SNAP25: variants seen among roughly 807,000 people sequenced by gnomAD.
SNAP25 encodes synaptosomal-associated protein 25.
SNAP25 carries 3 observed loss-of-function variants against 28.7 expected under a neutral mutation model. The observed-to-expected ratio is 0.10, with a 90% CI of 0.05 to 0.27. SNAP25 has a LOEUF of 0.27. Ranked by LOEUF, SNAP25 falls within the 10% of genes least tolerant of loss-of-function variation. The pLI, the probability that SNAP25 is intolerant of heterozygous loss-of-function variation, is 1.00. For synonymous variants in SNAP25, 61 were observed against 88.1 expected, an observed-to-expected ratio of 0.69 and a Z score of 1.72; for missense variants, 117 against 278.7, an observed-to-expected ratio of 0.42 and a Z score of 4.13.
intron 1 of SNAP25, among the ~76,000 whole-genome samples, chr20:10,231,887 T>A (rs2062834772): frequency 6.6e-6 from 1 of 152,216 alleles, no homozygotes; most frequent in Non-Finnish European, 1.5e-5. Context: ...CTCAAGTATT[T>A]TGGATAAGGG....
At chr20:10,255,403 G>A (rs2063302762) in intron 1 of SNAP25, among the ~76,000 whole-genome samples, 1 of 152,022 alleles carries the variant, frequency 6.6e-6, no homozygotes. Flanking sequence ...GGTGGGAGAG[G>A]GTGAATGGGT....
At chr20:10,221,604 C>A (rs1488006595) in intron 1 of SNAP25, among the ~76,000 whole-genome samples, 1 of 152,216 alleles carries the variant, frequency 6.6e-6, no homozygotes, top group Non-Finnish European at 1.5e-5. Flanking sequence ...AATTACAGAA[C>A]AATTTACAAT....
chr20:10,251,123 A>G (rs953529026), intron 1 of SNAP25, among the ~76,000 whole-genome samples: 2 of 152,246 alleles, frequency 1.3e-5, no homozygotes, highest in East Asian at 1.9e-4. Flanking sequence ...TGTGTGAGAC[A>G]TGATCCTTGC....
At chr20:10,299,521 C>T (rs926043445) in intron 7 of SNAP25, 109 bp downstream of exon 7, 35 of 1,072,680 alleles carry the variant, frequency 3.3e-5, no homozygotes, top group South Asian at 3.0e-4. Flanking sequence ...TGGATTCAGG[C>T]GCACTGATAG....
intron 1 of SNAP25, among the ~76,000 whole-genome samples, chr20:10,272,837 ACTCAGAT>A (rs1466397613): frequency 1.3e-5 from 2 of 152,198 alleles, no homozygotes; most frequent in Admixed American, 6.5e-5. Context: ...TTCTTTTTTT[ACTCAGAT>A]TCCATATTTG....
chr20:10,249,086 A>G (rs1293346944), intron 1 of SNAP25, among the ~76,000 whole-genome samples: 2 of 152,232 alleles, frequency 1.3e-5, no homozygotes, highest in African/African-American at 4.8e-5. Context: ...TCTCATGGAA[A>G]ACAATAACAG....
In SNAP25 at chr20:10,220,141, ATCTC is replaced by A. The variant is rs539772164; in HGVS notation, c.-64+1170_-64+1173del. On this transcript the variant is annotated intron_variant, in intron 1 of 7. Coordinates refer to ENST00000254976, the MANE Select transcript of SNAP25 (RefSeq NM_130811.4). ...TGCTATCTGTTTATAGGGATGATAC[ATCTC>A]TCTCTATGTTTCCATTTGATAAAAA... Among the ~76,000 whole-genome samples the A allele has an allele frequency of 7.9e-5, 12 of 152,286 alleles. 1 individual carries two copies. The South Asian group carries it at 2.3e-3, about 29-fold the overall frequency.
chr20:10,230,632 C>T (rs2062812913), intron 1 of SNAP25, among the ~76,000 whole-genome samples: 3 of 152,132 alleles, frequency 2.0e-5, no homozygotes, highest in African/African-American at 7.2e-5. Flanking sequence ...CTGATGCATG[C>T]TCAAGTTTGA....
intron 1 of SNAP25, among the ~76,000 whole-genome samples, chr20:10,223,904 G>A (rs1223539347): frequency 6.6e-6 from 1 of 152,102 alleles, no homozygotes; most frequent in Non-Finnish European, 1.5e-5. Context: ...TATAGTATTA[G>A]ATCACATTTA....
intron 1 of SNAP25, among the ~76,000 whole-genome samples, chr20:10,271,241 A>G (rs2063586261): frequency 6.6e-6 from 1 of 152,186 alleles, no homozygotes; most frequent in Non-Finnish European, 1.5e-5. Context: ...ATTAATAAAC[A>G]TCCTTATGCC....
chr20:10,298,234 G>A (rs2064157495), intron 6 of SNAP25, among the ~76,000 whole-genome samples: 3 of 152,282 alleles, frequency 2.0e-5, no homozygotes, highest in African/African-American at 7.2e-5. Flanking sequence ...TGCACTCAGG[G>A]CCAAGCACCA....
rs182070263 is a variant in SNAP25, at chr20:10,275,867, G to T, written c.72+304G>T. 1.4e-4 allele frequency among the ~76,000 whole-genome samples: 21 copies of T among 152,242 alleles called. No homozygotes were observed. In the East Asian group the frequency reaches 3.9e-3, roughly 28 times the overall value. Reference sequence around the variant, plus strand: ...TTAATTCAGTGCTATGCTGGAGAAGGCTCAGTTCCGAGAACAGATTGTTAA... The same window carrying T: ...TTAATTCAGTGCTATGCTGGAGAAGTCTCAGTTCCGAGAACAGATTGTTAA... On this transcript the variant is annotated intron_variant, in intron 2 of 7. Transcript: ENST00000254976.
intron 1 of SNAP25, among the ~76,000 whole-genome samples, chr20:10,252,765 T>TC (rs1052944300): frequency 2.6e-5 from 4 of 151,990 alleles, no homozygotes; most frequent in Non-Finnish European, 5.9e-5. Context: ...CATCTTTTTT[T>TC]TTTTTTTTTA....
chr20:10,279,533 G>A (rs975358279), intron 3 of SNAP25, among the ~76,000 whole-genome samples: 1 of 152,150 alleles, frequency 6.6e-6, no homozygotes, highest in Admixed American at 6.5e-5. Flanking sequence ...CGCACACCTT[G>A]AACTGATCCC....
At chr20:10,285,868 C>A (rs527908974) in intron 4 of SNAP25, among the ~76,000 whole-genome samples, 1 of 152,262 alleles carries the variant, frequency 6.6e-6, no homozygotes, top group South Asian at 2.1e-4. Context: ...CTTTTTAGAG[C>A]AGACTGGCAT....
Position 10,306,260 on chromosome 20 carries a change from C to A in SNAP25, c.*63C>A. The A allele has an allele frequency of 6.7e-7, 1 of 1,494,668 alleles. No homozygotes were observed. Among genetic ancestry groups the A allele is most frequent in the South Asian group, 1.1e-5 (1 of 87,520 alleles). The allele number at this position is 1,494,668 out of a possible 1,614,324, so 92.6% of individuals were successfully genotyped here. ...CAAGATAGCTCCTTCATGCTTTTCT[C>A]ATGGTATTATCTAGTAGGTCTGCAC... On this transcript the variant is annotated 3_prime_UTR_variant, in exon 8 of 8. Transcript: ENST00000254976.
rs572878689 is a variant in SNAP25 at position 10,296,914 on chromosome 20, C to G, written c.282-11C>G. ...CCCTGTGCCTTGTCACTCACCCTCT[C>G]TTTTGCATAGGCTTAAATCAAGTGA... is the stretch of plus-strand genomic sequence containing the variant. On this transcript the variant is annotated splice_polypyrimidine_tract_variant and intron_variant, in intron 5 of 7. Transcript: ENST00000254976. The G allele has an allele frequency of 4.3e-6, 7 of 1,614,090 alleles. No individual in the cohort carries two copies. The highest frequency in any genetic ancestry group is 3.3e-5 in the South Asian group (3 of 91,082).
In SNAP25 at chr20:10,218,964, C is replaced by G. The variant is rs1253831593; in HGVS notation, c.-77C>G. 1.3e-5 allele frequency: 2 copies of G among 152,228 alleles called. No homozygotes were observed. Among genetic ancestry groups the G allele is most frequent in the African/African-American group, 4.8e-5 (2 of 41,440 alleles). 9.4% of individuals were successfully genotyped at this position (152,228 alleles called of 1,614,324 possible). A position where few individuals can be genotyped will look rare whatever the true frequency, so the allele number is the denominator to read the frequency against. On this transcript the variant is annotated 5_prime_UTR_variant, in exon 1 of 8. Transcript: ENST00000254976. ...GCAGAGGCCCGGAGAACACAACCCT[C>G]CCGAGAAGCCCAGGTAAGAACCCCC...
intron 6 of SNAP25, among the ~76,000 whole-genome samples, chr20:10,298,067 G>C (rs12480983): frequency 0.15 from 22,296 of 151,706 alleles, 1,838 homozygotes; most frequent in Admixed American, 0.2. Context: ...GTAGCCCAAG[G>C]GTTCTCAAGC....
Sources: allele counts gnomAD v4.1 joint callset (sites outside exome capture counted in the v4.1 genomes callset), GRCh38; gene constraint gnomAD v4.1.1; transcripts MANE v1.5; gene names NCBI Gene and HGNC (gene_info 2026-07-23, HGNC 2026-07-21).